Variants in CCDC80 observed in about 807,000 individuals in gnomAD.
The protein encoded by CCDC80 is coiled-coil domain containing 80, also known as coiled-coil domain-containing protein 80.
A neutral mutation model predicts 78.7 loss-of-function variants in CCDC80; 49 were observed. The observed-to-expected ratio is 0.62, with a 90% CI of 0.50 to 0.79. The LOEUF is 0.79. Ranked by LOEUF, CCDC80 falls within the 30% of genes least tolerant of loss-of-function variation. The pLI is 0.00. For missense variants in CCDC80, 1,205 were observed against 1,198.6 expected, an observed-to-expected ratio of 1.01 and a Z score of -0.08; for synonymous variants, 488 against 447.0, an observed-to-expected ratio of 1.09 and a Z score of -1.16.
chr3:112,626,654 TCTC>T (rs1203825061), intron 3 of CCDC80, among the ~76,000 whole-genome samples: 1 of 151,986 alleles, frequency 6.6e-6, no homozygotes, highest in Non-Finnish European at 1.5e-5. Flanking sequence ...TTCAAGAAAT[TCTC>T]CTGCCTCAAC....
At chr3:112,622,749 C>T (rs926065489) in intron 3 of CCDC80, among the ~76,000 whole-genome samples, 25 of 151,216 alleles carry the variant, frequency 1.7e-4, no homozygotes, top group Middle Eastern at 3.2e-3. Context: ...TCTGCCTCTG[C>T]GGTTCAAGTG....
At chr3:112,639,994 G>A in intron 1 of CCDC80, 78 bp from the exon 2 acceptor site, 1 of 1,482,068 alleles carries the variant, frequency 6.7e-7, no homozygotes, top group Non-Finnish European at 8.9e-7. Context: ...AAACAGAGCT[G>A]GTCATTTTCT....
At chr3:112,618,700 A>T (rs867474115) in intron 4 of CCDC80, among the ~76,000 whole-genome samples, 2 of 152,170 alleles carry the variant, frequency 1.3e-5, no homozygotes, top group South Asian at 4.1e-4. Context: ...CTAGTGTCTT[A>T]TGAATGTAAA....
intron 3 of CCDC80, among the ~76,000 whole-genome samples, chr3:112,624,247 G>A (rs1217485404): frequency 2.0e-5 from 3 of 152,096 alleles, no homozygotes; most frequent in Non-Finnish European, 4.4e-5. Flanking sequence ...TCTAAAATTG[G>A]TTTTGCATGC....
chr3:112,638,971 T>C lies in CCDC80; in HGVS notation c.935A>G (p.Lys312Arg), dbSNP rs769429768. The C allele has an allele frequency of 2.5e-5, 40 of 1,612,446 alleles. No homozygotes were observed. In the Admixed American group the frequency reaches 5.0e-4, roughly 20 times the overall value. Reference sequence around the variant, plus strand: ...GACTTGTGCTCTCCTTGGGTCCTCTTTCTTCTTCTCGCTGCCCAGGCTTGG... The same window carrying C: ...GACTTGTGCTCTCCTTGGGTCCTCTCTCTTCTTCTCGCTGCCCAGGCTTGG... ...GRPSLGSEKK[K>R]EDPRRAQVPP... The change falls in exon 2 of 8, where the codon AAA (lysine) becomes AGA (arginine). Residue 312 changes from lysine to arginine, a missense_variant. Physicochemically the swap from Lys to Arg is conservative, Grantham distance 26. Transcript: ENST00000206423.
Position 112,638,033 on chromosome 3 carries a change from G to C in CCDC80, c.1873C>G (p.Leu625Val). 1 of 1,600,036 alleles carries C rather than the reference G, an allele frequency of 6.2e-7. No individual in the cohort carries two copies. The highest frequency in any genetic ancestry group is 2.2e-5 in the East Asian group (1 of 44,820). The part of the protein sequence containing the change: ...LLGSFEGKRR[L>V]LLITAPKAEN... ...CCAAGGAGAAGGCTACTTACAAGGA[G>C]TCTTCGTTTGCCTTCAAAGGACCCC... The change falls in exon 2 of 8, where the codon CTC (leucine) becomes GTC (valine). Residue 625 changes from leucine (L) to valine (V), a missense_variant. Coordinates refer to ENST00000206423, the MANE Select transcript of CCDC80 (RefSeq NM_199511.3).
intron 5 of CCDC80, among the ~76,000 whole-genome samples, chr3:112,611,396 C>T (rs373678929): frequency 7.9e-5 from 12 of 152,280 alleles, no homozygotes; most frequent in African/African-American, 1.4e-4. Context: ...TTATCCATCA[C>T]GGCACCATCA....
intron 6 of CCDC80, among the ~76,000 whole-genome samples, chr3:112,609,581 T>A (rs1193168948): frequency 6.6e-6 from 1 of 152,110 alleles, no homozygotes; most frequent in Non-Finnish European, 1.5e-5. Flanking sequence ...ATTCCTATTT[T>A]AAAAAAGACA....
At position 112,632,917 on chromosome 3, in the gene CCDC80, C is replaced by G. The variant is rs752573189; in HGVS notation, c.1879-2648G>C. 1.4e-3 allele frequency among the ~76,000 whole-genome samples: 220 copies of G among 152,194 alleles called. 1 individual carries two copies. Among genetic ancestry groups the G allele is most frequent in the Non-Finnish European group, 1.9e-3 (130 of 68,008 alleles). On this transcript the variant is annotated intron_variant, in intron 2 of 7. Transcript: ENST00000206423. ...ACCTCTTTACCCCCTAGAGCCAGAC[C>G]CAGTCTAAATTAGGAAATGAAAGGA...
chr3:112,607,179 T>TAA lies in CCDC80; in HGVS notation c.2501_2502dup (p.Asn835LeufsTer17). 1 of 1,608,940 alleles carries TAA rather than the reference T, an allele frequency of 6.2e-7. No individual in the cohort carries two copies. The highest frequency in any genetic ancestry group is 8.5e-7 in the Non-Finnish European group (1 of 1,176,410). ...TTTCAAGATAACAACACATTACCAT[T>TAA]AATTGGGAACAGTTCTAACACTCCC... On this transcript the variant is annotated frameshift_variant, in exon 7 of 8. Transcript: ENST00000206423. LOFTEE classifies it high-confidence loss of function.
At chr3:112,622,930 C>T (rs919579022) in intron 3 of CCDC80, among the ~76,000 whole-genome samples, 6 of 150,874 alleles carry the variant, frequency 4.0e-5, no homozygotes, top group African/African-American at 1.5e-4. Context: ...CCCACCTTAG[C>T]CTTCCAAAGT....
At position 112,639,031 on chromosome 3, in the gene CCDC80, G is replaced by A. The variant is rs780582420; in HGVS notation, c.875C>T (p.Ala292Val). ...KASGVEGQVV[A>V]EGNDGGGGAG... ...TCCCCCTCCACCGTCATTCCCCTCC[G>A]CCACCACCTGGCCCTCTACACCAGA... Residue 292 changes from alanine to valine, a missense_variant, in exon 2 of 8, where the codon GCG becomes GTG. Coordinates refer to ENST00000206423, the MANE Select transcript of CCDC80 (RefSeq NM_199511.3). The A allele has an allele frequency of 6.2e-6, 10 of 1,609,544 alleles. No individual in the cohort carries two copies. The highest frequency in any genetic ancestry group is 5.5e-5 in the South Asian group (5 of 90,998).
At position 112,600,097 on chromosome 3, in the gene CCDC80, A is replaced by ATTGTATTGTATT. The variant is rs1935348344; in HGVS notation, c.*5319_*5320insAATACAATACAA. 2 of 152,248 alleles carry ATTGTATTGTATT rather than the reference A, an allele frequency of 1.3e-5. No homozygotes were observed. The highest frequency in any genetic ancestry group is 3.8e-4 in the East Asian group (2 of 5,200). 9.4% of individuals were successfully genotyped at this position (152,248 alleles called of 1,614,324 possible). A position where few individuals can be genotyped will look rare whatever the true frequency, so the allele number is the denominator to read the frequency against. ...TCAGATTTGAAACTACCTAGTTTAT[A>ATTGTATTGTATT]CTACCAGAAGACAGAGATTCAGGTT... On this transcript the variant is annotated 3_prime_UTR_variant, in exon 8 of 8. Coordinates refer to ENST00000206423, the MANE Select transcript of CCDC80 (RefSeq NM_199511.3).
intron 6 of CCDC80, among the ~76,000 whole-genome samples, chr3:112,607,996 A>G (rs777879592): frequency 2.0e-5 from 3 of 152,332 alleles, no homozygotes; most frequent in South Asian, 2.1e-4. Context: ...TTTTATCACT[A>G]ATTTAGAGGA....
intron 5 of CCDC80, 183 bp from the exon 6 acceptor site, chr3:112,610,264 T>C (rs1237487060): frequency 1.5e-5 from 9 of 613,242 alleles, no homozygotes; most frequent in Non-Finnish European, 2.3e-5. Context: ...CTCCTGTAGT[T>C]TTTCTGTTGT....
Position 112,605,715 on chromosome 3 carries a change from T to G in CCDC80, c.2555A>C (p.Asp852Ala). The G allele has an allele frequency of 6.2e-7, 1 of 1,614,204 alleles. No individual in the cohort carries two copies. The highest frequency in any genetic ancestry group is 1.1e-5 in the South Asian group (1 of 91,084). ...REDVPAHLVKDIRNYFQVSPE... is the reference protein window; with the variant it reads ...REDVPAHLVKAIRNYFQVSPE... ...GCTCACTTGAAAATAGTTACGAATGTCTTTCACCAAATGGGCTGGTACGTC... is the reference window on the plus strand; with the variant it reads ...GCTCACTTGAAAATAGTTACGAATGGCTTTCACCAAATGGGCTGGTACGTC... The change falls in exon 8 of 8, where the codon GAC (aspartate) becomes GCC (alanine). Residue 852 changes from aspartate (D) to alanine (A), a missense_variant. Transcript: ENST00000206423.
intron 3 of CCDC80, among the ~76,000 whole-genome samples, chr3:112,619,630 T>C (rs894849958): frequency 1.3e-5 from 2 of 152,236 alleles, no homozygotes; most frequent in Non-Finnish European, 2.9e-5. Flanking sequence ...ACAGTTTCAT[T>C]TGGGCTCCAA....
chr3:112,611,593 A>G (rs1935629342), intron 5 of CCDC80, among the ~76,000 whole-genome samples: 1 of 152,232 alleles, frequency 6.6e-6, no homozygotes, highest in Non-Finnish European at 1.5e-5. Flanking sequence ...TTACCAAAAT[A>G]CAGACACTTC....
At chr3:112,624,192 C>G in intron 3 of CCDC80, among the ~76,000 whole-genome samples, 1 of 152,216 alleles carries the variant, frequency 6.6e-6, no homozygotes, top group South Asian at 2.1e-4. Context: ...GAACCCGCAA[C>G]ACAGTCTAAT....
Sources: allele counts gnomAD v4.1 joint callset (sites outside exome capture counted in the v4.1 genomes callset), GRCh38; gene constraint gnomAD v4.1.1; transcripts MANE v1.5; gene names NCBI Gene and HGNC (gene_info 2026-07-23, HGNC 2026-07-21).